Variants in NPIPB2 observed in about 807,000 individuals in gnomAD.
The protein encoded by NPIPB2 is nuclear pore complex interacting protein family member B2.
In NPIPB2, 27 loss-of-function variants were observed where a neutral mutation model predicts 30.8. That is an observed-to-expected ratio of 0.88 (90% confidence interval 0.65 to 1.21). The LOEUF is 1.21. Among genes scored for constraint, NPIPB2 ranks in the 50% most tolerant of loss-of-function variants. NPIPB2 has a pLI of 0.00. For synonymous variants in NPIPB2, 147 were observed against 162.0 expected (o/e 0.91, Z 0.70); for missense variants, 440 against 446.2 (o/e 0.99, Z 0.13).
At chr16:11,942,567 A>G (rs2054954506), upstream of NPIPB2, among the ~76,000 whole-genome samples, 1 of 152,104 alleles carries the variant, frequency 6.6e-6, no homozygotes, top group Admixed American at 6.6e-5. Flanking sequence ...TAAATTCTGA[A>G]CCCAAATGAG....
At chr16:11,971,843 T>C (rs2055237526) in intron 1 of NPIPB2, among the ~76,000 whole-genome samples, 1 of 152,012 alleles carries the variant, frequency 6.6e-6, no homozygotes, top group South Asian at 2.1e-4. Context: ...AGAGTTAAGT[T>C]ATGGTCTAAA....
At chr16:11,966,308 T>C in intron 1 of NPIPB2, 5 of 1,613,606 alleles carry the variant, frequency 3.1e-6, no homozygotes, top group Non-Finnish European at 3.4e-6. Context: ...GAAGATAAAC[T>C]CTGAACCATT....
At chr16:11,975,135 C>A (rs1226913757) in intron 1 of NPIPB2, among the ~76,000 whole-genome samples, 1 of 104,738 alleles carries the variant, frequency 9.5e-6, no homozygotes, top group African/African-American at 3.6e-5. Context: ...ACACTCAATC[C>A]ATCACCTTTT....
chr16:11,932,886 AG>A (rs1480288096), intron 4 of NPIPB2, among the ~76,000 whole-genome samples: 1 of 140,350 alleles, frequency 7.1e-6, no homozygotes, highest in Non-Finnish European at 1.5e-5. Flanking sequence ...TCAAATTGGG[AG>A]GCAGAGGTTG....
At chr16:11,967,794 C>T in intron 1 of NPIPB2, 2 of 1,614,210 alleles carry the variant, frequency 1.2e-6, no homozygotes, top group Admixed American at 1.7e-5. Flanking sequence ...TTGCAAGAGC[C>T]TGCCAGCTGC....
At chr16:11,939,067 G>A (rs1469625004) in intron 1 of NPIPB2, among the ~76,000 whole-genome samples, 2 of 151,944 alleles carry the variant, frequency 1.3e-5, no homozygotes, top group African/African-American at 4.8e-5. Context: ...TTTCTTTAAA[G>A]TTATTTACTT....
At chr16:11,971,513 T>A (rs2055235670) in intron 1 of NPIPB2, among the ~76,000 whole-genome samples, 1 of 147,542 alleles carries the variant, frequency 6.8e-6, no homozygotes, top group Non-Finnish European at 1.5e-5. Context: ...TTTATTTTTT[T>A]AGACAGAGTC....
intron 1 of NPIPB2, chr16:11,967,651 AG>A: frequency 1.2e-6 from 2 of 1,614,182 alleles, no homozygotes; most frequent in Non-Finnish European, 1.7e-6. Context: ...AGAGGCCTCG[AG>A]TACACGGTGG....
chr16:11,951,307 A>T (rs1294433483), intron 1 of NPIPB2, among the ~76,000 whole-genome samples: 3 of 150,650 alleles, frequency 2.0e-5, no homozygotes, highest in Admixed American at 6.7e-5. Context: ...AATATATAAA[A>T]AAAAAAATTA....
intron 1 of NPIPB2, among the ~76,000 whole-genome samples, chr16:11,975,548 C>T (rs1438157114): frequency 1.3e-5 from 2 of 151,916 alleles, no homozygotes; most frequent in African/African-American, 2.4e-5. Flanking sequence ...CTTTCTCCAC[C>T]CTGCCCCCAT....
chr16:11,943,387 T>C (rs1474466000), upstream of NPIPB2, among the ~76,000 whole-genome samples: 2 of 151,806 alleles, frequency 1.3e-5, no homozygotes, highest in Non-Finnish European at 2.9e-5. Flanking sequence ...TTCAATTCTA[T>C]TTGTATGCTG....
intron 5 of NPIPB2, 55 bp downstream of exon 5, chr16:11,930,395 A>T: frequency 6.8e-7 from 1 of 1,476,192 alleles, no homozygotes; most frequent in South Asian, 1.2e-5. Context: ...AAAGGTTAAA[A>T]ACAACACTCC....
chr16:11,951,312 A>T (rs2150927388), intron 1 of NPIPB2, among the ~76,000 whole-genome samples: 1 of 151,122 alleles, frequency 6.6e-6, no homozygotes, highest in Admixed American at 6.6e-5. Flanking sequence ...ATAAAAAAAA[A>T]AATTAGCCGG....
intron 1 of NPIPB2, among the ~76,000 whole-genome samples, chr16:11,951,026 T>A (rs2055056720): frequency 6.6e-6 from 1 of 152,186 alleles, no homozygotes; most frequent in Admixed American, 6.6e-5. Flanking sequence ...ATTCAGGGTT[T>A]AGTTTTAAAT....
chr16:11,951,668 C>CACACACA (rs1596500890), intron 1 of NPIPB2, among the ~76,000 whole-genome samples: 1 of 63,678 alleles, frequency 1.6e-5, no homozygotes, highest in African/African-American at 4.6e-5. Context: ...ACACACACAC[C>CACACACA]CAGCCCCCAA....
intron 4 of NPIPB2, 112 bp downstream of exon 4, chr16:11,933,405 C>G: frequency 1.0e-5 from 15 of 1,487,952 alleles, no homozygotes; most frequent in Non-Finnish European, 1.4e-5. Context: ...CAATTTTGAA[C>G]CCACTGAATT....
intron 1 of NPIPB2, among the ~76,000 whole-genome samples, chr16:11,949,698 C>G (rs773302015): frequency 6.6e-6 from 1 of 152,220 alleles, no homozygotes; most frequent in African/African-American, 2.4e-5. Flanking sequence ...GAGCCAGCCT[C>G]TCAGAGCCTT....
intron 1 of NPIPB2, among the ~76,000 whole-genome samples, chr16:11,975,685 G>A (rs140958596): frequency 5.5e-4 from 83 of 151,804 alleles, no homozygotes; most frequent in Non-Finnish European, 1.1e-3. Flanking sequence ...CTGCCTCCCG[G>A]GTTCAAGCAA....
chr16:11,964,698 C>T (rs1369711126), intron 1 of NPIPB2, among the ~76,000 whole-genome samples: 2 of 152,060 alleles, frequency 1.3e-5, no homozygotes, highest in Non-Finnish European at 2.9e-5. Context: ...TACAGGAGAG[C>T]GCCACGGCGC....
Sources: gnomAD v4.1 joint callset for allele counts (sites outside exome capture counted in the v4.1 genomes callset) on GRCh38, gnomAD v4.1.1 for gene constraint, MANE v1.5 for transcripts, NCBI Gene and HGNC (gene_info 2026-07-23, HGNC 2026-07-21) for gene names.